Variants in SEZ6L observed in about 807,000 individuals in gnomAD.
SEZ6L encodes seizure 6-like protein.
SEZ6L carries 37 observed loss-of-function variants against 106.2 expected under a neutral mutation model. That is an observed-to-expected ratio of 0.35 (90% confidence interval 0.27 to 0.46). SEZ6L has a LOEUF of 0.46. Among genes scored for constraint, SEZ6L ranks in the 20% least tolerant of loss-of-function variants. The pLI, the probability that SEZ6L is intolerant of heterozygous loss-of-function variation, is 1.00. For missense variants in SEZ6L, 1,172 were observed against 1,332.8 expected (o/e 0.88, Z 1.88); for synonymous variants, 541 against 570.4 (o/e 0.95, Z 0.73).
intron 12 of SEZ6L, among the ~76,000 whole-genome samples, chr22:26,355,306 G>A (rs1556378044): frequency 6.6e-6 from 1 of 152,206 alleles, no homozygotes; most frequent in Non-Finnish European, 1.5e-5. Context: ...TCTAACTCAA[G>A]CCTGACTAAA....
intron 9 of SEZ6L, among the ~76,000 whole-genome samples, chr22:26,314,132 A>G (rs1384395246): frequency 6.6e-6 from 1 of 151,674 alleles, no homozygotes; most frequent in Non-Finnish European, 1.5e-5. Flanking sequence ...GAGAGTCCCT[A>G]TCTTTGGGAA....
At position 26,230,395 on chromosome 22, in the gene SEZ6L, C is replaced by A. The variant is rs1047644950; in HGVS notation, c.94+60632C>A. 1.2e-4 allele frequency among the ~76,000 whole-genome samples: 19 copies of A among 152,164 alleles called. No homozygotes were observed. The East Asian group carries it at 3.7e-3, about 29-fold the overall frequency. On this transcript the variant is annotated intron_variant, in intron 1 of 16. Coordinates refer to ENST00000248933, the MANE Select transcript of SEZ6L (RefSeq NM_021115.5). ...CACTGTCTCTCTCGTGCTTTGGGACCCTGGTCAGGTCGCTCAGTCATTCAA... is the reference window on the plus strand; with the variant it reads ...CACTGTCTCTCTCGTGCTTTGGGACACTGGTCAGGTCGCTCAGTCATTCAA...
intron 9 of SEZ6L, among the ~76,000 whole-genome samples, chr22:26,324,258 G>C (rs2082245004): frequency 6.6e-6 from 1 of 152,180 alleles, no homozygotes; most frequent in African/African-American, 2.4e-5. Flanking sequence ...CAGGGAAAAA[G>C]TCTCAATCAG....
chr22:26,264,489 T>C (rs780648323), intron 1 of SEZ6L, among the ~76,000 whole-genome samples: 2 of 152,230 alleles, frequency 1.3e-5, no homozygotes, highest in Non-Finnish European at 2.9e-5. Flanking sequence ...ATAGAACCCA[T>C]GAAATTATCA....
At chr22:26,363,971 A>G (rs1226936676) in intron 12 of SEZ6L, among the ~76,000 whole-genome samples, 1 of 152,224 alleles carries the variant, frequency 6.6e-6, no homozygotes, top group Admixed American at 6.5e-5. Context: ...AACTTCATAG[A>G]GACAGAAAGT....
intron 4 of SEZ6L, among the ~76,000 whole-genome samples, chr22:26,298,481 G>A (rs933164480): frequency 1.3e-5 from 2 of 152,188 alleles, no homozygotes; most frequent in East Asian, 1.9e-4. Flanking sequence ...AGGTGACATC[G>A]TTTTGTAAAC....
intron 11 of SEZ6L, among the ~76,000 whole-genome samples, chr22:26,348,646 A>AAAAG (rs768075015): frequency 0.035 from 268 of 7,660 alleles, 11 homozygotes; most frequent in Middle Eastern, 0.05. Context: ...GAAAGAAAGA[A>AAAAG]AAAGAAAGAA....
chr22:26,242,729 GA>G (rs1389597674), intron 1 of SEZ6L: 1 of 152,104 alleles, frequency 6.6e-6, no homozygotes. Flanking sequence ...ATGAAGACTT[GA>G]AAAATGAATT....
intron 1 of SEZ6L, among the ~76,000 whole-genome samples, chr22:26,262,251 T>G (rs1245245576): frequency 6.7e-6 from 1 of 149,334 alleles, no homozygotes; most frequent in Non-Finnish European, 1.5e-5. Flanking sequence ...ATTTTATCTA[T>G]CTATCTATCT....
chr22:26,375,776 G>C, intron 15 of SEZ6L, 87 bp downstream of exon 15: 1 of 938,240 alleles, frequency 1.1e-6, no homozygotes. Context: ...TGAGCCTCAG[G>C]GTCTCCACCT....
At chr22:26,307,155 G>A (rs1049182583) in intron 6 of SEZ6L, among the ~76,000 whole-genome samples, 1 of 152,126 alleles carries the variant, frequency 6.6e-6, no homozygotes, top group Non-Finnish European at 1.5e-5. Context: ...GGGAGCTAGG[G>A]TACTTATGCA....
chr22:26,373,065 T>G (rs2084093846), intron 13 of SEZ6L, among the ~76,000 whole-genome samples: 1 of 152,178 alleles, frequency 6.6e-6, no homozygotes, highest in South Asian at 2.1e-4. Flanking sequence ...GTCAGAGAAG[T>G]CACTTCACTT....
intron 1 of SEZ6L, among the ~76,000 whole-genome samples, chr22:26,261,781 G>A (rs1437335723): frequency 6.6e-6 from 1 of 152,158 alleles, no homozygotes; most frequent in Non-Finnish European, 1.5e-5. Context: ...GGGTAGATAA[G>A]CGTGAATAAA....
chr22:26,217,426 G>T (rs751053205), intron 1 of SEZ6L, among the ~76,000 whole-genome samples: 1 of 152,196 alleles, frequency 6.6e-6, no homozygotes, highest in African/African-American at 2.4e-5. Flanking sequence ...TGCACCTGCT[G>T]TTCCCTCTTC....
intron 1 of SEZ6L, among the ~76,000 whole-genome samples, chr22:26,202,766 T>C (rs903522582): frequency 5.3e-5 from 8 of 152,224 alleles, no homozygotes; most frequent in Admixed American, 4.6e-4. Context: ...TTTAGAAGAA[T>C]GATCAGCCCC....
At chr22:26,338,714 C>CA (rs1405571784) in intron 9 of SEZ6L, among the ~76,000 whole-genome samples, 2 of 152,132 alleles carry the variant, frequency 1.3e-5, no homozygotes, top group African/African-American at 4.8e-5. Flanking sequence ...CATCTGCCAC[C>CA]ACGCCCAGCT....
At chr22:26,196,115 T>C (rs966508717) in intron 1 of SEZ6L, among the ~76,000 whole-genome samples, 2 of 152,182 alleles carry the variant, frequency 1.3e-5, no homozygotes, top group African/African-American at 2.4e-5. Flanking sequence ...ATGAATAGTT[T>C]AGCACCATCT....
At chr22:26,260,044 C>A (rs1170127293) in intron 1 of SEZ6L, among the ~76,000 whole-genome samples, 1 of 152,094 alleles carries the variant, frequency 6.6e-6, no homozygotes, top group Non-Finnish European at 1.5e-5. Context: ...TATTATTAAT[C>A]TAATAGAGGA....
intron 1 of SEZ6L, among the ~76,000 whole-genome samples, chr22:26,216,207 C>T (rs890071970): frequency 1.3e-5 from 2 of 152,102 alleles, no homozygotes; most frequent in Admixed American, 1.3e-4. Context: ...CGCAGTCCCA[C>T]GTGGTCAGTT....
Sources: gnomAD v4.1 joint callset for allele counts (sites outside exome capture counted in the v4.1 genomes callset) on GRCh38, gnomAD v4.1.1 for gene constraint, MANE v1.5 for transcripts, NCBI Gene and HGNC (gene_info 2026-07-23, HGNC 2026-07-21) for gene names.